Variants in RABEP1 observed in about 807,000 individuals in gnomAD.
The protein encoded by RABEP1 is rabaptin, RAB GTPase binding effector protein 1, also known as rab GTPase-binding effector protein 1.
RABEP1 carries 51 observed loss-of-function variants against 123.4 expected under a neutral mutation model. The ratio of observed to expected loss-of-function variants is 0.41; its 90% CI spans 0.33 to 0.52. The LOEUF is 0.52. RABEP1 is among the 20% of genes least tolerant of loss of function. RABEP1 has a pLI of 0.16. For synonymous variants in RABEP1, 347 were observed against 355.2 expected (o/e 0.98, Z 0.26); for missense variants, 888 against 996.3 (o/e 0.89, Z 1.46).
intron 2 of RABEP1, among the ~76,000 whole-genome samples, chr17:5,327,267 G>A (rs921981296): frequency 2.6e-5 from 4 of 151,414 alleles, no homozygotes; most frequent in Non-Finnish European, 5.9e-5. Context: ...AGAATCGCTT[G>A]AACTTGGGAG....
rs1357816226 is a variant in RABEP1 at position 5,338,001 on chromosome 17, A to C, written c.529-18A>C. 1 of 1,594,242 alleles carries C rather than the reference A, an allele frequency of 6.3e-7. No individual in the cohort carries two copies. Among genetic ancestry groups the C allele is most frequent in the Non-Finnish European group, 8.5e-7 (1 of 1,173,842 alleles). The stretch of plus-strand genomic sequence containing the variant: ...AGTAAATGAATAAGTCGTAGCATTT[A>C]ATTCTTTTTAACCATAGGCCCAAGA... On this transcript the variant is annotated intron_variant, in intron 4 of 17. Transcript: ENST00000537505.
intron 8 of RABEP1, among the ~76,000 whole-genome samples, chr17:5,355,482 G>C (rs1167032711): frequency 6.6e-6 from 1 of 152,130 alleles, no homozygotes; most frequent in Admixed American, 6.5e-5. Flanking sequence ...GGCCCTTCCA[G>C]CCTCACTTAC....
intron 1 of RABEP1, among the ~76,000 whole-genome samples, chr17:5,306,021 A>C (rs893865573): frequency 1.3e-5 from 2 of 152,172 alleles, no homozygotes; most frequent in East Asian, 1.9e-4. Flanking sequence ...TAGTGAGGCT[A>C]GTTTCAAGGT....
chr17:5,336,294 T>C (rs536777427), intron 4 of RABEP1, among the ~76,000 whole-genome samples: 6 of 152,338 alleles, frequency 3.9e-5, no homozygotes, highest in African/African-American at 1.4e-4. Context: ...TTTGATTATC[T>C]GAAAAATTGG....
intron 2 of RABEP1, among the ~76,000 whole-genome samples, chr17:5,316,857 T>A (rs1446990281): frequency 0.013 from 1,386 of 107,708 alleles, 42 homozygotes; most frequent in African/African-American, 0.045. Context: ...AAAAAAAAAA[T>A]ATAAGAAACA....
chr17:5,373,693 AACACACACACACACACAC>A (rs55736303), intron 13 of RABEP1, among the ~76,000 whole-genome samples: 128 of 135,328 alleles, frequency 9.5e-4, no homozygotes, highest in East Asian at 2.5e-3. Flanking sequence ...ACACCAGCTA[AACACACACACACACACAC>A]ACACACACAC....
chr17:5,361,082 A>G, intron 8 of RABEP1, 126 bp from the exon 9 acceptor site: 2 of 821,510 alleles, frequency 2.4e-6, no homozygotes, highest in South Asian at 3.7e-5. Flanking sequence ...TTGTTCAATG[A>G]GTCTGTGAAG....
intron 2 of RABEP1, among the ~76,000 whole-genome samples, chr17:5,327,797 GTATA>G (rs1906127917): frequency 6.6e-6 from 1 of 152,160 alleles, no homozygotes; most frequent in Non-Finnish European, 1.5e-5. Context: ...ATGTTAGACA[GTATA>G]TAAAGTATTG....
chr17:5,374,143 T>C (rs1410359460), intron 13 of RABEP1, among the ~76,000 whole-genome samples: 1 of 152,156 alleles, frequency 6.6e-6, no homozygotes, highest in African/African-American at 2.4e-5. Context: ...CTCTGCTCAC[T>C]GCAACCTCCG....
At chr17:5,283,299 T>C (rs569159862) in intron 1 of RABEP1, among the ~76,000 whole-genome samples, 13 of 151,598 alleles carry the variant, frequency 8.6e-5, no homozygotes, top group African/African-American at 2.7e-4. Flanking sequence ...TATTTGCTTG[T>C]GGAACTAAAA....
In RABEP1 at chr17:5,282,467, C is replaced by G. The variant is rs754929658; in HGVS notation, c.-20C>G. 7 of 1,344,394 alleles carry G rather than the reference C, an allele frequency of 5.2e-6. No homozygotes were observed. The highest frequency in any genetic ancestry group is 3.7e-5 in the South Asian group (2 of 54,794). The allele number at this position is 1,344,394 out of a possible 1,614,324, so 83.3% of individuals were successfully genotyped here. On this transcript the variant is annotated 5_prime_UTR_variant, in exon 1 of 18. Coordinates refer to ENST00000537505, the MANE Select transcript of RABEP1 (RefSeq NM_004703.6). ...CCGCTTCCCCGCCCATCCCCGCTCC[C>G]CGAGGCCGGCCGCCTGGTCATGGCG...
chr17:5,362,886 T>A (rs1909677414), intron 9 of RABEP1, 26 bp from the exon 10 acceptor site: 1 of 1,482,164 alleles, frequency 6.7e-7, no homozygotes, highest in Non-Finnish European at 9.4e-7. Context: ...TTTTGCCTGA[T>A]AAGAGGTAAT....
At chr17:5,304,936 T>TA (rs1309991599) in intron 1 of RABEP1, among the ~76,000 whole-genome samples, 1 of 152,184 alleles carries the variant, frequency 6.6e-6, no homozygotes, top group Non-Finnish European at 1.5e-5. Context: ...ATTAAATAAA[T>TA]ACTACCAATT....
intron 5 of RABEP1, among the ~76,000 whole-genome samples, chr17:5,339,949 A>G (rs1263713351): frequency 6.6e-6 from 1 of 152,236 alleles, no homozygotes; most frequent in African/African-American, 2.4e-5. Context: ...GAGGGATCCT[A>G]TCTAATAAAC....
In RABEP1 at chr17:5,282,461, C is replaced by G; in HGVS notation, c.-26C>G. On this transcript the variant is annotated 5_prime_UTR_variant, in exon 1 of 18. Transcript: ENST00000537505. ...AGGACGCCGCTTCCCCGCCCATCCCCGCTCCCCGAGGCCGGCCGCCTGGTC... is the reference window on the plus strand; with the variant it reads ...AGGACGCCGCTTCCCCGCCCATCCCGGCTCCCCGAGGCCGGCCGCCTGGTC... 1 of 1,349,100 alleles carries G rather than the reference C, an allele frequency of 7.4e-7. No homozygotes were observed. The highest frequency in any genetic ancestry group is 9.6e-7 in the Non-Finnish European group (1 of 1,042,696). 83.6% of individuals were successfully genotyped at this position (1,349,100 alleles called of 1,614,324 possible).
intron 15 of RABEP1, among the ~76,000 whole-genome samples, chr17:5,380,103 C>A (rs1413529941): frequency 4.6e-5 from 7 of 152,224 alleles, no homozygotes; most frequent in African/African-American, 1.7e-4. Flanking sequence ...TTAAATGCTT[C>A]TTTCTTCATC....
intron 17 of RABEP1, 61 bp downstream of exon 17, chr17:5,381,566 C>A: frequency 6.4e-7 from 1 of 1,556,868 alleles, no homozygotes; most frequent in Non-Finnish European, 8.7e-7. Flanking sequence ...CAGAACCTTG[C>A]CGATCCCTGA....
chr17:5,283,316 A>C (rs1258067777), intron 1 of RABEP1, among the ~76,000 whole-genome samples: 4 of 152,306 alleles, frequency 2.6e-5, no homozygotes, highest in South Asian at 4.1e-4. Context: ...AAAAAAAAAA[A>C]AGTGAAGTCG....
intron 2 of RABEP1, among the ~76,000 whole-genome samples, chr17:5,324,745 A>T (rs988040322): frequency 2.0e-5 from 3 of 152,212 alleles, no homozygotes; most frequent in African/African-American, 7.2e-5. Flanking sequence ...CAAAAGATTC[A>T]AATAGGCATT....
Sources: allele counts gnomAD v4.1 joint callset (sites outside exome capture counted in the v4.1 genomes callset), GRCh38; gene constraint gnomAD v4.1.1; transcripts MANE v1.5; gene names NCBI Gene and HGNC (gene_info 2026-07-23, HGNC 2026-07-21).